Variants in PLAA observed in about 807,000 individuals in gnomAD.
PLAA encodes the protein phospholipase A-2-activating protein.
A neutral mutation model predicts 84.1 loss-of-function variants in PLAA; 48 were observed. The observed-to-expected ratio is 0.57, with a 90% CI of 0.45 to 0.73. The LOEUF is 0.73. Among genes scored for constraint, PLAA ranks in the 30% least tolerant of loss-of-function variants. The pLI is 0.00. For synonymous variants in PLAA, 392 were observed against 336.6 expected (o/e 1.16, Z -1.80); for missense variants, 903 against 954.7 (o/e 0.95, Z 0.71).
Position 26,935,016 on chromosome 9 carries a change from T to G in PLAA, c.340A>C (p.Thr114Pro). ...ACCAAAGCATTATTATACTCACCAGTATTTTTGTGGCCTTTTAGAATATAA... is the reference window on the plus strand; with the variant it reads ...ACCAAAGCATTATTATACTCACCAGGATTTTTGTGGCCTTTTAGAATATAA... Reference protein sequence around the residue: ...PLYILKGHKNTVCSLSSGKFG... With the variant: ...PLYILKGHKNPVCSLSSGKFG... Residue 114 changes from threonine (T) to proline (P), a missense_variant, in exon 2 of 14, where the codon ACT becomes CCT. Physicochemically the swap from Thr to Pro is conservative, Grantham distance 38. Transcript: ENST00000397292. 1 of 1,583,930 alleles carries G rather than the reference T, an allele frequency of 6.3e-7. No homozygotes were observed. Among genetic ancestry groups the G allele is most frequent in the Non-Finnish European group, 8.6e-7 (1 of 1,166,810 alleles).
chr9:26,937,690 TAA>T (rs1825405433), intron 1 of PLAA, among the ~76,000 whole-genome samples: 1 of 151,866 alleles, frequency 6.6e-6, no homozygotes, highest in Non-Finnish European at 1.5e-5. Flanking sequence ...GAAGTATCAG[TAA>T]AGAGGCAGAA....
chr9:26,919,470 T>C lies in PLAA; in HGVS notation c.1257A>G (p.Pro419=). ...ACCAAGGGTCATCACTGGTATTATATGGCAATTTATATGATGGTCCACCTT... is the reference window on the plus strand; with the variant it reads ...ACCAAGGGTCATCACTGGTATTATACGGCAATTTATATGATGGTCCACCTT... ...VNEGGPSYKL[P]YNTSDDPWLT... is the part of the protein sequence containing the mutation. The change falls in exon 9 of 14, where the codon CCA becomes CCG. Residue 419 remains proline, a synonymous_variant. Coordinates refer to ENST00000397292, the MANE Select transcript of PLAA (RefSeq NM_001031689.3). The C allele has an allele frequency of 6.2e-7, 1 of 1,611,368 alleles. No homozygotes were observed. Among genetic ancestry groups the C allele is most frequent in the Non-Finnish European group, 8.5e-7 (1 of 1,177,772 alleles).
rs1825755424 is a variant in PLAA, at chr9:26,947,067, C to T, written c.-22G>A. ...TCATGGCCAGTGTCTGTCTGGCGCC[C>T]GGTGCCCAGGCACTGTGCGAGACCA... On this transcript the variant is annotated 5_prime_UTR_variant, in exon 1 of 14. Transcript: ENST00000397292. 1.3e-6 allele frequency: 2 copies of T among 1,554,748 alleles called. No homozygotes were observed. Among genetic ancestry groups the T allele is most frequent in the Non-Finnish European group, 1.7e-6 (2 of 1,151,174 alleles).
chr9:26,934,808 A>G (rs1166106557), intron 2 of PLAA, among the ~76,000 whole-genome samples: 1 of 152,142 alleles, frequency 6.6e-6, no homozygotes, highest in Non-Finnish European at 1.5e-5. Flanking sequence ...TTTTACATAT[A>G]TAAGCATATC....
At chr9:26,910,614 T>C (rs1208808541) in intron 11 of PLAA, among the ~76,000 whole-genome samples, 175 bp from the exon 12 acceptor site, 1 of 151,668 alleles carries the variant, frequency 6.6e-6, no homozygotes, top group African/African-American at 2.4e-5. Context: ...TTTATATTTA[T>C]TGATATAATA....
At chr9:26,912,916 A>T (rs376177318) in intron 11 of PLAA, among the ~76,000 whole-genome samples, 5 of 152,312 alleles carry the variant, frequency 3.3e-5, no homozygotes, top group African/African-American at 1.2e-4. Context: ...CAATTAAAAA[A>T]TAGCTTACAA....
In PLAA at chr9:26,915,212, CG is replaced by C. The variant is rs968502934; in HGVS notation, c.1487-1266del. 3.0e-4 allele frequency among the ~76,000 whole-genome samples: 43 copies of C among 144,268 alleles called. 1 individual carries two copies. Among genetic ancestry groups the C allele is most frequent in the Admixed American group, 7.7e-4 (11 of 14,366 alleles). 94.6% of individuals were successfully genotyped at this position (144,268 alleles called of 152,430 possible). ...GGGCAAGAAGAACAAAACTCTGACT[CG>C]AAAAAAAAAAAAATCTAAGATCAAA... On this transcript the variant is annotated intron_variant, in intron 10 of 13. Coordinates refer to ENST00000397292, the MANE Select transcript of PLAA (RefSeq NM_001031689.3).
chr9:26,909,922 C>T (rs1178696221), intron 12 of PLAA, among the ~76,000 whole-genome samples: 1 of 152,120 alleles, frequency 6.6e-6, no homozygotes, highest in Non-Finnish European at 1.5e-5. Flanking sequence ...CTGTACCAGG[C>T]CAGCAGATTC....
intron 11 of PLAA, among the ~76,000 whole-genome samples, chr9:26,911,488 C>T (rs1824396984): frequency 6.6e-6 from 1 of 152,076 alleles, no homozygotes; most frequent in Middle Eastern, 3.2e-3. Context: ...GGGGTTTCAC[C>T]ATGTTGGTTG....
intron 10 of PLAA, 96 bp downstream of exon 10, chr9:26,917,001 C>T (rs971718697): frequency 1.0e-6 from 1 of 992,880 alleles, no homozygotes; most frequent in African/African-American, 1.6e-5. Flanking sequence ...AGGGAATTAC[C>T]AATTACTGGA....
intron 2 of PLAA, among the ~76,000 whole-genome samples, 192 bp from the exon 3 acceptor site, chr9:26,928,600 G>GC (rs1172808466): frequency 6.6e-6 from 1 of 152,186 alleles, no homozygotes; most frequent in Non-Finnish European, 1.5e-5. Context: ...CTGCCTGGGC[G>GC]CAAGGCCTAG....
Position 26,947,056 on chromosome 9 carries a change from T to G in PLAA, c.-11A>C. Reference sequence around the variant, plus strand: ...TGCGCCGCTCGTCATGGCCAGTGTCTGTCTGGCGCCCGGTGCCCAGGCACT... The same window carrying G: ...TGCGCCGCTCGTCATGGCCAGTGTCGGTCTGGCGCCCGGTGCCCAGGCACT... On this transcript the variant is annotated 5_prime_UTR_variant, in exon 1 of 14. Transcript: ENST00000397292. 7 of 1,567,662 alleles carry G rather than the reference T, an allele frequency of 4.5e-6. No homozygotes were observed. The highest frequency in any genetic ancestry group is 4.3e-6 in the Non-Finnish European group (5 of 1,157,524).
At chr9:26,943,404 C>G (rs911059539) in intron 1 of PLAA, among the ~76,000 whole-genome samples, 9 of 152,160 alleles carry the variant, frequency 5.9e-5, no homozygotes, top group Admixed American at 1.3e-4. Context: ...ACATTTACTA[C>G]CCTGATCTAG....
intron 1 of PLAA, among the ~76,000 whole-genome samples, chr9:26,935,624 C>G (rs1264773765): frequency 2.0e-5 from 3 of 151,912 alleles, no homozygotes; most frequent in Non-Finnish European, 4.4e-5. Context: ...AGGACTTTTT[C>G]ACATTATGAA....
In PLAA at chr9:26,919,406, G is replaced by T; in HGVS notation, c.1321C>A (p.Pro441Thr). The T allele has an allele frequency of 6.2e-7, 1 of 1,612,382 alleles. No homozygotes were observed. The highest frequency in any genetic ancestry group is 1.7e-4 in the Middle Eastern group (1 of 5,942). The change falls in exon 9 of 14, where the codon CCT becomes ACT. Residue 441 changes from proline (P) to threonine (T), a missense_variant. Transcript: ENST00000397292. ...YNFLQKNDLN[P>T]MFLDQVAKFI... ...TTAGCTACTTGATCCAGAAACATAG[G>T]ATTCAAATCATTCTTCTGTAAGAAG...
At chr9:26,924,209 C>T (rs1824866847) in intron 6 of PLAA, among the ~76,000 whole-genome samples, 1 of 152,168 alleles carries the variant, frequency 6.6e-6, no homozygotes, top group South Asian at 2.1e-4. Flanking sequence ...CAGCTCACTG[C>T]AACCTCAAAT....
intron 1 of PLAA, 94 bp downstream of exon 1, chr9:26,946,803 G>A (rs1451148485): frequency 7.3e-7 from 1 of 1,366,886 alleles, no homozygotes; most frequent in East Asian, 2.6e-5. Flanking sequence ...TGGGGGGAGA[G>A]AGAGACGGCA....
intron 10 of PLAA, 41 bp downstream of exon 10, chr9:26,917,056 A>G: frequency 1.3e-6 from 2 of 1,512,812 alleles, no homozygotes; most frequent in South Asian, 1.1e-5. Context: ...GATGCTATAC[A>G]TTTAGTGAAG....
intron 6 of PLAA, among the ~76,000 whole-genome samples, chr9:26,925,287 C>A (rs149288908): frequency 6.6e-6 from 1 of 152,266 alleles, no homozygotes; most frequent in African/African-American, 2.4e-5. Context: ...CCCTTCAACC[C>A]CAGGCAATGA....
Sources: gnomAD v4.1 joint callset for allele counts (sites outside exome capture counted in the v4.1 genomes callset) on GRCh38, gnomAD v4.1.1 for gene constraint, MANE v1.5 for transcripts, NCBI Gene and HGNC (gene_info 2026-07-23, HGNC 2026-07-21) for gene names.